The following IPO8 variants were observed in gnomAD, a reference collection of about 807,000 sequenced individuals.
IPO8 encodes importin 8.
A neutral mutation model predicts 141.2 loss-of-function variants in IPO8; 65 were observed. That is an observed-to-expected ratio of 0.46 (90% confidence interval 0.38 to 0.57). IPO8 has a LOEUF of 0.57. Ranked by LOEUF, IPO8 falls within the 20% of genes least tolerant of loss-of-function variation. IPO8 has a pLI of 0.00. For missense variants in IPO8, 980 were observed against 1,246.8 expected, an observed-to-expected ratio of 0.79 and a Z score of 3.22; for synonymous variants, 411 against 420.3, an observed-to-expected ratio of 0.98 and a Z score of 0.27.
intron 8 of IPO8, among the ~76,000 whole-genome samples, chr12:30,672,954 A>AT (rs1299172999): frequency 2.6e-5 from 4 of 152,006 alleles, no homozygotes; most frequent in South Asian, 2.1e-4. Context: ...ATAAAGAGCT[A>AT]TTTAAAAAAA....
chr12:30,673,896 G>T, intron 8 of IPO8, 94 bp downstream of exon 8: 1 of 667,550 alleles, frequency 1.5e-6, no homozygotes, highest in South Asian at 2.6e-5. Context: ...AATATGTAAT[G>T]AATTAGTATG....
At chr12:30,667,947 G>T (rs1334141918) in intron 10 of IPO8, among the ~76,000 whole-genome samples, 1 of 152,110 alleles carries the variant, frequency 6.6e-6, no homozygotes. Context: ...ACCAGCCTGG[G>T]AAATACAGGG....
intron 17 of IPO8, among the ~76,000 whole-genome samples, chr12:30,655,336 A>T (rs1299741264): frequency 6.6e-6 from 1 of 152,182 alleles, no homozygotes; most frequent in Non-Finnish European, 1.5e-5. Context: ...TTTTAAAAAT[A>T]TTTATTTTTT....
At chr12:30,681,894 TAA>T (rs1268723880) in intron 3 of IPO8, 77 bp from the exon 4 acceptor site, 3 of 1,231,706 alleles carry the variant, frequency 2.4e-6, no homozygotes, top group African/African-American at 3.1e-5. Flanking sequence ...ATATTTTACA[TAA>T]AAGTTTGTTA....
rs1374683200 is a variant in IPO8 at position 30,663,508 on chromosome 12, T to A, written c.1575A>T (p.Leu525Phe). Reference protein sequence around the residue: ...KVEAALALQSLISNQIQAKEY... With the variant: ...KVEAALALQSFISNQIQAKEY... ...CTTTACCTTGTATCTGGTTAGAAAT[T>A]AAAGACTGAAGAGCAAGGGCAGCTT... Residue 525 changes from leucine (L) to phenylalanine (F), a missense_variant, in exon 14 of 25, where the codon TTA becomes TTT. By Grantham distance (22) the Leu-to-Phe change is conservative. Coordinates refer to ENST00000256079, the MANE Select transcript of IPO8 (RefSeq NM_006390.4). 6.2e-7 allele frequency: 1 copy of A among 1,612,598 alleles called. No individual in the cohort carries two copies. Among genetic ancestry groups the A allele is most frequent in the Non-Finnish European group, 8.5e-7 (1 of 1,179,508 alleles).
chr12:30,676,936 A>T lies in IPO8; in HGVS notation c.640-349T>A, dbSNP rs1458462179. Reference sequence around the variant, plus strand: ...ACTTTCCATTTTAACCACCTTGATGAAAATATTTATTTCATTAAACACTCA... The same window carrying T: ...ACTTTCCATTTTAACCACCTTGATGTAAATATTTATTTCATTAAACACTCA... On this transcript the variant is annotated intron_variant, in intron 5 of 24. Coordinates refer to ENST00000256079, the MANE Select transcript of IPO8 (RefSeq NM_006390.4). 4.6e-6 allele frequency: 7 copies of T among 1,533,486 alleles called. No homozygotes were observed. In the South Asian group the frequency reaches 8.3e-5, roughly 18 times the overall value. The allele number at this position is 1,533,486 out of a possible 1,614,324, so 95.0% of individuals were successfully genotyped here.
intron 5 of IPO8, among the ~76,000 whole-genome samples, chr12:30,677,515 C>T (rs1054270055): frequency 6.6e-6 from 1 of 151,572 alleles, no homozygotes; most frequent in African/African-American, 2.4e-5. Context: ...TTATCTAAAA[C>T]AGCCTCTGGT....
chr12:30,637,610 A>G (rs912703518), intron 21 of IPO8, among the ~76,000 whole-genome samples: 1 of 152,168 alleles, frequency 6.6e-6, no homozygotes, highest in Admixed American at 6.5e-5. Flanking sequence ...ATCTACCCAA[A>G]CCCTAAGAGG....
chr12:30,666,536 T>C (rs1306064363), intron 10 of IPO8, among the ~76,000 whole-genome samples: 2 of 152,170 alleles, frequency 1.3e-5, no homozygotes, highest in Non-Finnish European at 2.9e-5. Context: ...AAGTGCTTTA[T>C]TTCTATCAAA....
At chr12:30,634,388 G>A in intron 22 of IPO8, 102 bp from the exon 23 acceptor site, 11 of 841,694 alleles carry the variant, frequency 1.3e-5, no homozygotes, top group East Asian at 8.1e-5. Flanking sequence ...CTCTGGAAAG[G>A]AAAAAATCTT....
Position 30,634,187 on chromosome 12 carries a change from C to T in IPO8, c.2795G>A (p.Trp932Ter). 6.2e-7 allele frequency: 1 copy of T among 1,613,982 alleles called. No individual in the cohort carries two copies. Among genetic ancestry groups the T allele is most frequent in the Non-Finnish European group, 8.5e-7 (1 of 1,179,916 alleles). Residue 932 changes from tryptophan to a stop codon, truncating the protein, a stop_gained, in exon 23 of 25, where the codon TGG (tryptophan) becomes TAG (stop). Coordinates refer to ENST00000256079, the MANE Select transcript of IPO8 (RefSeq NM_006390.4). LOFTEE classifies it high-confidence loss of function. ...GGTTTCTTCCAATACTTCTTCATCC[C>T]AGTCATCATCTTCCTCCTCCTCATC... Reference protein sequence around the residue: ...GEDEEEEDDDWDEEVLEETAL... With the variant: ...GEDEEEEDDD
chr12:30,669,838 A>C (rs2053024351), intron 9 of IPO8, among the ~76,000 whole-genome samples: 3 of 152,136 alleles, frequency 2.0e-5, no homozygotes, highest in South Asian at 4.1e-4. Flanking sequence ...CAAATGTTTC[A>C]GTTAGAGAAA....
intron 16 of IPO8, among the ~76,000 whole-genome samples, chr12:30,657,961 T>C (rs922829449): frequency 1.3e-5 from 2 of 152,168 alleles, no homozygotes; most frequent in African/African-American, 4.8e-5. Context: ...GCTGGGGAGT[T>C]GAGTGAGAAG....
At chr12:30,683,945 CTG>C (rs1470195014) in intron 3 of IPO8, among the ~76,000 whole-genome samples, 1 of 152,100 alleles carries the variant, frequency 6.6e-6, no homozygotes, top group African/African-American at 2.4e-5. Context: ...ATCAGTCTCT[CTG>C]TATCAAAGAA....
chr12:30,663,800 C>T, intron 13 of IPO8, 146 bp from the exon 14 acceptor site: 1 of 495,832 alleles, frequency 2.0e-6, no homozygotes, highest in Non-Finnish European at 3.2e-6. Context: ...TAGTTTCTAA[C>T]TTCTACATCC....
intron 1 of IPO8, among the ~76,000 whole-genome samples, chr12:30,692,075 T>C (rs968739233): frequency 6.6e-6 from 1 of 152,224 alleles, no homozygotes; most frequent in Non-Finnish European, 1.5e-5. Flanking sequence ...ACCTTCTACA[T>C]ATGTATTATA....
rs1167418538 is a variant in IPO8, at chr12:30,630,723, T to C, written c.*137A>G. Reference sequence around the variant, plus strand: ...TCAAAGGGGAAAGAGTAGATAAAAGTGCTGCCTAATGCCAGATGGTAACTG... The same window carrying C: ...TCAAAGGGGAAAGAGTAGATAAAAGCGCTGCCTAATGCCAGATGGTAACTG... On this transcript the variant is annotated 3_prime_UTR_variant, in exon 25 of 25. Transcript: ENST00000256079. The C allele has an allele frequency of 1.1e-5, 7 of 648,552 alleles. No homozygotes were observed. The East Asian group carries it at 1.8e-4, about 17-fold the overall frequency. The allele number at this position is 648,552 out of a possible 1,614,324, so 40.2% of individuals were successfully genotyped here.
At chr12:30,685,628 T>C (rs1436509217) in intron 2 of IPO8, among the ~76,000 whole-genome samples, 4 of 151,502 alleles carry the variant, frequency 2.6e-5, no homozygotes, top group Admixed American at 2.6e-4. Context: ...ACTTTTAACA[T>C]ATAACTAAAT....
At chr12:30,657,267 A>T (rs573446094) in intron 16 of IPO8, among the ~76,000 whole-genome samples, 1 of 152,326 alleles carries the variant, frequency 6.6e-6, no homozygotes, top group South Asian at 2.1e-4. Context: ...ATACAATAGA[A>T]AACAAATGTG....
Sources: allele counts gnomAD v4.1 joint callset (sites outside exome capture counted in the v4.1 genomes callset), GRCh38; gene constraint gnomAD v4.1.1; transcripts MANE v1.5; gene names NCBI Gene and HGNC (gene_info 2026-07-23, HGNC 2026-07-21).